NLRP14: variants seen among roughly 807,000 people sequenced by gnomAD.
The protein encoded by NLRP14 is NACHT, LRR and PYD domains-containing protein 14.
Under a neutral mutation model 94.7 loss-of-function variants are expected in NLRP14, and 105 were observed. The observed-to-expected ratio is 1.11, with a 90% CI of 0.95 to 1.30. The LOEUF (loss-of-function observed/expected upper bound fraction) is 1.30. Ranked by LOEUF, NLRP14 falls within the 50% of genes most tolerant of loss-of-function variation. NLRP14 has a pLI of 0.00. For synonymous variants in NLRP14, 508 were observed against 459.9 expected (o/e 1.10, Z -1.34); for missense variants, 1,362 against 1,254.1 (o/e 1.09, Z -1.30).
intron 1 of NLRP14, among the ~76,000 whole-genome samples, chr11:7,037,342 C>T (rs569281971): frequency 9.8e-4 from 149 of 152,222 alleles, no homozygotes; most frequent in African/African-American, 3.4e-3. Flanking sequence ...CTATATGTTT[C>T]GAGACAATTC....
At chr11:7,071,845 A>G (rs1022716732), downstream of NLRP14, among the ~76,000 whole-genome samples, 3 of 152,050 alleles carry the variant, frequency 2.0e-5, no homozygotes, top group Non-Finnish European at 4.4e-5. Context: ...AGAATTTCCC[A>G]GGCAAATTCT....
the NLRP14 span, among the ~76,000 whole-genome samples, chr11:7,076,917 A>G: frequency 6.6e-6 from 1 of 152,222 alleles, no homozygotes; most frequent in Non-Finnish European, 1.5e-5. Context: ...AAGCAAAAGC[A>G]TCCTACTCTT....
chr11:7,065,792 G>A (rs1369834787), intron 10 of NLRP14, among the ~76,000 whole-genome samples: 2 of 151,896 alleles, frequency 1.3e-5, no homozygotes, highest in African/African-American at 2.4e-5. Flanking sequence ...CACGTGCCAC[G>A]GTGGTTTGCT....
At position 7,020,658 on chromosome 11, in the gene NLRP14, C is replaced by G. The variant is rs1851908540; in HGVS notation, c.-134C>G. On this transcript the variant is annotated 5_prime_UTR_variant, in exon 1 of 12. Coordinates refer to ENST00000299481, the MANE Select transcript of NLRP14 (RefSeq NM_176822.4). The stretch of plus-strand genomic sequence containing the variant: ...CACCACCGCGACGACCCCGAGGAAA[C>G]GCTGTCAGGTCGCCTTTGGTTGGCA... The G allele has an allele frequency of 6.6e-6, 1 of 152,304 alleles. No homozygotes were observed. Among genetic ancestry groups the G allele is most frequent in the Non-Finnish European group, 1.5e-5 (1 of 68,104 alleles). The allele number at this position is 152,304 out of a possible 1,614,324, so 9.4% of individuals were successfully genotyped here. A position where few individuals can be genotyped will look rare whatever the true frequency, so the allele number is the denominator to read the frequency against.
rs753831733 is a variant in NLRP14 at position 7,043,492 on chromosome 11, C to T, written c.1466C>T (p.Ala489Val). The T allele has an allele frequency of 3.1e-6, 5 of 1,614,004 alleles. No homozygotes were observed. The African/African-American group carries it at 4.0e-5, about 13-fold the overall frequency. Residue 489 changes from alanine to valine, a missense_variant, in exon 4 of 12, where the codon GCT becomes GTT. Coordinates refer to ENST00000299481, the MANE Select transcript of NLRP14 (RefSeq NM_176822.4). ...THLHVQEFFA[A>V]MFYMLKGSWE... ...CTTCATGTTCAGGAGTTTTTTGCAG[C>T]TATGTTCTATATGTTGAAAGGCAGT...
rs570065562 is a variant in NLRP14 at position 7,067,154 on chromosome 11, C to T, written c.2976-3132C>T. ...GTAGCATGATGGCTCCAGCTTTGTT[C>T]TTTTTGCTTAAGATTGTCTTGACTA... On this transcript the variant is annotated intron_variant, in intron 10 of 11. Transcript: ENST00000299481. Among the ~76,000 whole-genome samples the T allele has an allele frequency of 1.8e-4, 27 of 152,198 alleles. No individual in the cohort carries two copies. In the South Asian group the frequency reaches 4.4e-3, roughly 25 times the overall value.
chr11:7,079,042 G>A, the NLRP14 span, among the ~76,000 whole-genome samples: 1 of 152,108 alleles, frequency 6.6e-6, no homozygotes, highest in East Asian at 1.9e-4. Context: ...ATTGTCTTAG[G>A]GAATTATACC....
chr11:7,064,523 G>T (rs1852676069), intron 10 of NLRP14, among the ~76,000 whole-genome samples: 1 of 151,772 alleles, frequency 6.6e-6, no homozygotes, highest in African/African-American at 2.4e-5. Context: ...AAATATTGTT[G>T]CTGCTCTTCC....
chr11:7,030,387 T>C (rs1175114050), intron 1 of NLRP14, among the ~76,000 whole-genome samples: 3 of 152,230 alleles, frequency 2.0e-5, no homozygotes, highest in African/African-American at 4.8e-5. Context: ...TGAGGGTCTC[T>C]GCACTTGCTA....
chr11:7,028,710 A>T (rs1414236212), intron 1 of NLRP14, among the ~76,000 whole-genome samples: 2 of 152,076 alleles, frequency 1.3e-5, no homozygotes, highest in African/African-American at 4.8e-5. Flanking sequence ...GCCTTATCCC[A>T]TATTAGCCAT....
intron 5 of NLRP14, among the ~76,000 whole-genome samples, chr11:7,047,802 C>G (rs7940208): frequency 0.71 from 101,143 of 141,496 alleles, 37,415 homozygotes; most frequent in Non-Finnish European, 0.81. Context: ...GCTCTGTCAC[C>G]AGGCTGGAGT....
chr11:7,055,496 G>T (rs910591617), intron 6 of NLRP14, among the ~76,000 whole-genome samples: 5 of 152,054 alleles, frequency 3.3e-5, no homozygotes, highest in Non-Finnish European at 4.4e-5. Context: ...ATACATTCAC[G>T]CAGCATCTTT....
intron 6 of NLRP14, among the ~76,000 whole-genome samples, chr11:7,054,151 G>T (rs1283812479): frequency 6.6e-6 from 1 of 152,034 alleles, no homozygotes; most frequent in African/African-American, 2.4e-5. Flanking sequence ...TCTTTTTTAT[G>T]GCTGGATAGT....
At chr11:7,059,383 A>C (rs1852575493) in intron 8 of NLRP14, among the ~76,000 whole-genome samples, 1 of 151,608 alleles carries the variant, frequency 6.6e-6, no homozygotes, top group Non-Finnish European at 1.5e-5. Flanking sequence ...GTCATCTCAT[A>C]CTCTTCATGG....
chr11:7,037,832 T>G (rs1218842222), intron 1 of NLRP14, among the ~76,000 whole-genome samples: 1 of 152,192 alleles, frequency 6.6e-6, no homozygotes, highest in Admixed American at 6.5e-5. Context: ...TAGAGTAAAC[T>G]GCCAGAGAGC....
chr11:7,056,515 C>CAAAAAAAAAAAAA (rs60703550), intron 6 of NLRP14, among the ~76,000 whole-genome samples: 3 of 122,834 alleles, frequency 2.4e-5, no homozygotes, highest in Admixed American at 8.5e-5. Context: ...AGCACTAATA[C>CAAAAAAAAAAAAA]AAAAAAAAAA....
chr11:7,081,803 T>C, the NLRP14 span, among the ~76,000 whole-genome samples: 2 of 152,208 alleles, frequency 1.3e-5, no homozygotes, highest in Non-Finnish European at 2.9e-5. Flanking sequence ...GGAGTTTTTA[T>C]ATGAGATCTC....
At chr11:7,036,228 G>C (rs1852157677) in intron 1 of NLRP14, among the ~76,000 whole-genome samples, 1 of 152,146 alleles carries the variant, frequency 6.6e-6, no homozygotes, top group African/African-American at 2.4e-5. Context: ...GGGCATTTTT[G>C]AATGAATGAA....
At position 7,049,481 on chromosome 11, in the gene NLRP14, TA is replaced by T. The variant is rs944743240; in HGVS notation, c.2124-182del. Among the ~76,000 whole-genome samples, 4 of 151,912 alleles carry T rather than the reference TA, an allele frequency of 2.6e-5. No individual in the cohort carries two copies. The East Asian group carries it at 5.8e-4, about 22-fold the overall frequency. Reference sequence around the variant, plus strand: ...GTTATCACCTTCTTTTCCGTTAAGGTAAAAAAAACTGGGGAGTGTCAATTAT... The same window carrying T: ...GTTATCACCTTCTTTTCCGTTAAGGTAAAAAAACTGGGGAGTGTCAATTAT... On this transcript the variant is annotated intron_variant, in intron 5 of 11. Coordinates refer to ENST00000299481, the MANE Select transcript of NLRP14 (RefSeq NM_176822.4).
Sources: allele counts gnomAD v4.1 joint callset (sites outside exome capture counted in the v4.1 genomes callset), GRCh38; gene constraint gnomAD v4.1.1; transcripts MANE v1.5; gene names NCBI Gene and HGNC (gene_info 2026-07-23, HGNC 2026-07-21).